The following NXPE2 variants were observed in gnomAD, a reference collection of about 807,000 sequenced individuals.
The protein encoded by NXPE2 is NXPE family member 2.
In NXPE2, 34 loss-of-function variants were observed where a neutral mutation model predicts 34.4. The observed-to-expected ratio is 0.99, with a 90% CI of 0.75 to 1.31. The LOEUF (loss-of-function observed/expected upper bound fraction) is 1.31. NXPE2 is among the 40% of genes most tolerant of loss of function. The pLI is 0.00. For synonymous variants in NXPE2, 235 were observed against 231.3 expected, an observed-to-expected ratio of 1.02 and a Z score of -0.15; for missense variants, 649 against 672.5, an observed-to-expected ratio of 0.97 and a Z score of 0.39.
chr11:114,535,214 T>C, the NXPE2 span, among the ~76,000 whole-genome samples: 1 of 152,046 alleles, frequency 6.6e-6, no homozygotes, highest in East Asian at 1.9e-4. Context: ...TACAATACTT[T>C]ACAGACAAGC....
chr11:114,602,987 T>C, the NXPE2 span, among the ~76,000 whole-genome samples: 1 of 150,730 alleles, frequency 6.6e-6, no homozygotes, highest in Admixed American at 6.7e-5. Flanking sequence ...AATTATCTCA[T>C]ATATAATTAC....
the NXPE2 span, among the ~76,000 whole-genome samples, chr11:114,784,680 A>C: frequency 1.3e-5 from 2 of 152,158 alleles, no homozygotes; most frequent in African/African-American, 4.8e-5. Flanking sequence ...AAGGGGGGAA[A>C]AAAAGCTCTC....
chr11:114,781,226 T>C, the NXPE2 span, among the ~76,000 whole-genome samples: 1 of 152,212 alleles, frequency 6.6e-6, no homozygotes, highest in African/African-American at 2.4e-5. Flanking sequence ...CCCTACCTCC[T>C]GAACCTGGTC....
At chr11:114,582,728 C>T in the NXPE2 span, 4 of 1,614,062 alleles carry the variant, frequency 2.5e-6, no homozygotes, top group Admixed American at 1.7e-5. Flanking sequence ...CATATTGCTT[C>T]CTGCGTCCCA....
chr11:114,568,846 T>C, the NXPE2 span, among the ~76,000 whole-genome samples: 18 of 152,322 alleles, frequency 1.2e-4, no homozygotes, highest in African/African-American at 4.1e-4. Context: ...TGTGGAATAA[T>C]TTTATGTCTT....
At chr11:114,752,472 C>G in the NXPE2 span, among the ~76,000 whole-genome samples, 1 of 152,104 alleles carries the variant, frequency 6.6e-6, no homozygotes, top group East Asian at 1.9e-4. Context: ...CTATCAACAA[C>G]AGAGAGTAGG....
chr11:114,742,603 A>C, the NXPE2 span, among the ~76,000 whole-genome samples: 1 of 139,630 alleles, frequency 7.2e-6, no homozygotes, highest in Non-Finnish European at 1.5e-5. Flanking sequence ...TACTTTCTTC[A>C]ATGTGTTTAT....
chr11:114,513,012 G>A, the NXPE2 span: 1 of 378,568 alleles, frequency 2.6e-6, no homozygotes, highest in Non-Finnish European at 5.4e-6. Flanking sequence ...TGGGGTGGGT[G>A]AGCAGCAGAG....
chr11:114,748,603 T>C, the NXPE2 span, among the ~76,000 whole-genome samples: 1 of 152,204 alleles, frequency 6.6e-6, no homozygotes, highest in Non-Finnish European at 1.5e-5. Flanking sequence ...ATTTGTTTCA[T>C]GTTTCCCCTT....
At chr11:114,645,128 C>T in the NXPE2 span, among the ~76,000 whole-genome samples, 1 of 151,852 alleles carries the variant, frequency 6.6e-6, no homozygotes, top group South Asian at 2.1e-4. Flanking sequence ...ATGGTGAAAC[C>T]CCATCTTTAC....
chr11:114,624,880 C>A, the NXPE2 span, among the ~76,000 whole-genome samples: 1 of 152,036 alleles, frequency 6.6e-6, no homozygotes, highest in African/African-American at 2.4e-5. Flanking sequence ...ACCACTGTAA[C>A]CTGGTGGATA....
the NXPE2 span, among the ~76,000 whole-genome samples, chr11:114,669,441 G>T: frequency 1.0e-3 from 153 of 152,162 alleles, 1 homozygote; most frequent in Admixed American, 8.3e-3. Flanking sequence ...TGAAGGGTAA[G>T]ATATCCCTTT....
At chr11:114,580,637 T>C in the NXPE2 span, among the ~76,000 whole-genome samples, 2 of 152,330 alleles carry the variant, frequency 1.3e-5, no homozygotes, top group South Asian at 4.1e-4. Context: ...TCTATGAAAC[T>C]AAAGTCATCA....
chr11:114,744,139 G>A, the NXPE2 span, among the ~76,000 whole-genome samples: 1 of 152,108 alleles, frequency 6.6e-6, no homozygotes, highest in Non-Finnish European at 1.5e-5. Context: ...TGGTGTGAAT[G>A]TGGTCTTTGG....
the NXPE2 span, among the ~76,000 whole-genome samples, chr11:114,659,280 A>T: frequency 6.6e-6 from 1 of 152,320 alleles, no homozygotes; most frequent in African/African-American, 2.4e-5. Context: ...CAAGGCAATC[A>T]ATAGACTCAG....
the NXPE2 span, among the ~76,000 whole-genome samples, chr11:114,548,453 A>G: frequency 6.6e-6 from 1 of 152,104 alleles, no homozygotes; most frequent in Admixed American, 6.5e-5. Context: ...TAACTGGTAG[A>G]AATAATAATA....
At chr11:114,706,184 A>T (rs1338537265) in intron 5 of NXPE2, among the ~76,000 whole-genome samples, 188 bp downstream of exon 5, 1 of 151,698 alleles carries the variant, frequency 6.6e-6, no homozygotes, top group Admixed American at 6.6e-5. Flanking sequence ...TCATTCACAA[A>T]TGTTAATATT....
the NXPE2 span, among the ~76,000 whole-genome samples, chr11:114,727,184 C>T: frequency 1.2e-3 from 189 of 152,126 alleles, no homozygotes; most frequent in African/African-American, 4.2e-3. Context: ...ACACTATATA[C>T]TGGGGGGCTT....
At chr11:114,728,357 A>G in the NXPE2 span, among the ~76,000 whole-genome samples, 1 of 152,092 alleles carries the variant, frequency 6.6e-6, no homozygotes, top group African/African-American at 2.4e-5. Flanking sequence ...TGCCTTCCAC[A>G]CTAGGATCAT....
Sources: gnomAD v4.1 joint callset for allele counts (sites outside exome capture counted in the v4.1 genomes callset) on GRCh38, gnomAD v4.1.1 for gene constraint, MANE v1.5 for transcripts, NCBI Gene and HGNC (gene_info 2026-07-23, HGNC 2026-07-21) for gene names.